The following LDB2 variants were observed in gnomAD, a reference collection of about 807,000 sequenced individuals.
LDB2 encodes LIM domain-binding protein 2.
In LDB2, 12 loss-of-function variants were observed where a neutral mutation model predicts 44.3. That is an observed-to-expected ratio of 0.27 (90% confidence interval 0.17 to 0.44). The LOEUF (loss-of-function observed/expected upper bound fraction) is 0.44. Ranked by LOEUF, LDB2 falls within the 20% of genes least tolerant of loss-of-function variation. The probability of loss-of-function intolerance (pLI) is 1.00; values close to 1 mark genes in which losing one functional copy is unlikely to be tolerated. For synonymous variants in LDB2, 164 were observed against 174.8 expected (o/e 0.94, Z 0.49); for missense variants, 344 against 473.5 (o/e 0.73, Z 2.54).
intron 2 of LDB2, among the ~76,000 whole-genome samples, chr4:16,651,586 C>CT (rs33919070): frequency 0.53 from 79,403 of 148,810 alleles, 22,784 homozygotes; most frequent in Middle Eastern, 0.72. Flanking sequence ...TGATTTTCAT[C>CT]TTTTTTTTTT....
chr4:16,561,033 A>G (rs1386305568), intron 5 of LDB2, among the ~76,000 whole-genome samples: 3 of 152,208 alleles, frequency 2.0e-5, no homozygotes, highest in South Asian at 4.2e-4. Context: ...CATGCTAAAA[A>G]CTCTCAATAA....
chr4:16,716,149 A>C (rs2152672273), intron 2 of LDB2, among the ~76,000 whole-genome samples: 1 of 152,308 alleles, frequency 6.6e-6, no homozygotes, highest in South Asian at 2.1e-4. Flanking sequence ...TCTTAAAGGA[A>C]AGAAGGAACA....
chr4:16,834,672 C>A (rs762766717), intron 1 of LDB2, among the ~76,000 whole-genome samples: 56 of 152,156 alleles, frequency 3.7e-4, no homozygotes, highest in Non-Finnish European at 6.0e-4. Context: ...ACTAAAAAGA[C>A]AAAAATTAGC....
At chr4:16,727,488 A>G (rs1189892449) in intron 2 of LDB2, among the ~76,000 whole-genome samples, 3 of 151,822 alleles carry the variant, frequency 2.0e-5, no homozygotes, top group Admixed American at 1.3e-4. Context: ...AGGAACTGGG[A>G]AGACTCGAGC....
chr4:16,823,262 C>A (rs528955529), intron 1 of LDB2, among the ~76,000 whole-genome samples: 1 of 152,220 alleles, frequency 6.6e-6, no homozygotes, highest in Non-Finnish European at 1.5e-5. Flanking sequence ...GGTTTAGTGA[C>A]CTGCCCAATG....
chr4:16,697,252 G>A (rs372458665), intron 2 of LDB2, among the ~76,000 whole-genome samples: 98 of 106,040 alleles, frequency 9.2e-4, no homozygotes, highest in African/African-American at 3.1e-3. Flanking sequence ...GTGAAACCCC[G>A]TCTCTACTAA....
chr4:16,799,417 C>T (rs897351572), intron 1 of LDB2, among the ~76,000 whole-genome samples: 3 of 152,188 alleles, frequency 2.0e-5, no homozygotes, highest in Admixed American at 1.3e-4. Context: ...GGGATATAAG[C>T]CCCATGCCCA....
At chr4:16,620,136 C>T (rs749772474) in intron 2 of LDB2, among the ~76,000 whole-genome samples, 4 of 152,118 alleles carry the variant, frequency 2.6e-5, no homozygotes, top group Non-Finnish European at 5.9e-5. Context: ...AAGGAAGAGA[C>T]CATATCTATC....
intron 1 of LDB2, among the ~76,000 whole-genome samples, chr4:16,878,614 G>A (rs1305459797): frequency 1.3e-5 from 2 of 152,112 alleles, no homozygotes; most frequent in Non-Finnish European, 2.9e-5. Flanking sequence ...ATTACTTTTA[G>A]AATTAAAACA....
At chr4:16,751,058 T>A (rs1462533831) in intron 2 of LDB2, 2 of 152,160 alleles carry the variant, frequency 1.3e-5, no homozygotes, top group Non-Finnish European at 2.9e-5. Flanking sequence ...GTGCCAGGAC[T>A]CCATAGATAA....
intron 1 of LDB2, among the ~76,000 whole-genome samples, chr4:16,762,793 G>C (rs1454688729): frequency 6.6e-6 from 1 of 152,050 alleles, no homozygotes; most frequent in African/African-American, 2.4e-5. Flanking sequence ...ACCAGTGAAA[G>C]GCAAAAAAGT....
At chr4:16,595,043 A>G (rs772707657) in intron 3 of LDB2, among the ~76,000 whole-genome samples, 12 of 152,212 alleles carry the variant, frequency 7.9e-5, no homozygotes, top group Non-Finnish European at 1.3e-4. Context: ...CAAGGATCAT[A>G]GATCTAAAAT....
At chr4:16,557,447 T>G (rs908149615) in intron 5 of LDB2, among the ~76,000 whole-genome samples, 1 of 152,156 alleles carries the variant, frequency 6.6e-6, no homozygotes, top group Admixed American at 6.5e-5. Flanking sequence ...CCACGGAATC[T>G]CGCTGATTGC....
At chr4:16,577,575 A>T (rs1329004023) in intron 5 of LDB2, among the ~76,000 whole-genome samples, 1 of 152,204 alleles carries the variant, frequency 6.6e-6, no homozygotes, top group African/African-American at 2.4e-5. Context: ...TGAAGAGGAT[A>T]TACAAAAATG....
intron 2 of LDB2, among the ~76,000 whole-genome samples, chr4:16,661,148 C>A (rs1314832173): frequency 1.3e-5 from 2 of 152,164 alleles, no homozygotes; most frequent in African/African-American, 2.4e-5. Context: ...GTACAAGATT[C>A]ATTACTGTGT....
intron 5 of LDB2, among the ~76,000 whole-genome samples, chr4:16,580,244 C>T (rs1713832847): frequency 2.0e-5 from 3 of 152,198 alleles, no homozygotes; most frequent in Non-Finnish European, 4.4e-5. Context: ...GCAGCAGAGG[C>T]AGGATCACAG....
chr4:16,601,284 T>C (rs565861896), intron 2 of LDB2, among the ~76,000 whole-genome samples: 3 of 152,302 alleles, frequency 2.0e-5, no homozygotes, highest in South Asian at 4.1e-4. Context: ...CTCAAGTTTA[T>C]GTTTAAGTGC....
intron 1 of LDB2, among the ~76,000 whole-genome samples, chr4:16,871,076 G>A (rs1286303627): frequency 2.0e-5 from 3 of 152,190 alleles, no homozygotes; most frequent in Non-Finnish European, 1.5e-5. Context: ...GAAATTTTGT[G>A]AGACAGCCTC....
At chr4:16,896,274 CAA>C (rs1724968817) in intron 1 of LDB2, among the ~76,000 whole-genome samples, 1 of 152,024 alleles carries the variant, frequency 6.6e-6, no homozygotes, top group Admixed American at 6.6e-5. Flanking sequence ...CCCCATAATC[CAA>C]AAGTTAGGAA....
Sources: gnomAD v4.1 joint callset for allele counts (sites outside exome capture counted in the v4.1 genomes callset) on GRCh38, gnomAD v4.1.1 for gene constraint, MANE v1.5 for transcripts, NCBI Gene and HGNC (gene_info 2026-07-23, HGNC 2026-07-21) for gene names.